ADGRV1: variants seen among roughly 807,000 people sequenced by gnomAD.
ADGRV1 encodes G-protein coupled receptor 98.
ADGRV1 carries 359 observed loss-of-function variants against 596.2 expected under a neutral mutation model. That is an observed-to-expected ratio of 0.60 (90% CI 0.55 to 0.66). ADGRV1 has a LOEUF of 0.66. ADGRV1 is among the 30% of genes least tolerant of loss of function. The pLI, the probability that ADGRV1 is intolerant of heterozygous loss-of-function variation, is 0.00. For synonymous variants in ADGRV1, 2,681 were observed against 2,679.2 expected (o/e 1.00, Z -0.02); for missense variants, 7,274 against 7,575.6 (o/e 0.96, Z 1.48).
At chr5:90,705,260 G>C in intron 36 of ADGRV1, 140 bp from the exon 37 acceptor site, 1 of 653,686 alleles carries the variant, frequency 1.5e-6, no homozygotes, top group Non-Finnish European at 2.6e-6. Flanking sequence ...ATGGAATGTG[G>C]CTTTTGTTAA....
intron 39 of ADGRV1, 78 bp from the exon 40 acceptor site, chr5:90,710,903 G>T (rs991944538): frequency 8.7e-6 from 7 of 800,096 alleles, no homozygotes; most frequent in East Asian, 2.7e-5. Flanking sequence ...ATTTCAAAGG[G>T]ACTGTCTTTA....
At chr5:90,820,913 G>A (rs1484950971) in intron 75 of ADGRV1, among the ~76,000 whole-genome samples, 1 of 152,024 alleles carries the variant, frequency 6.6e-6, no homozygotes, top group Non-Finnish European at 1.5e-5. Context: ...CTCTTCTCGA[G>A]GAGTATCTTT....
chr5:90,918,739 A>G (rs1006291114), intron 83 of ADGRV1, among the ~76,000 whole-genome samples: 2 of 152,144 alleles, frequency 1.3e-5, no homozygotes, highest in Admixed American at 6.5e-5. Flanking sequence ...TCCCATGTAT[A>G]TTTACTCCAC....
intron 41 of ADGRV1, among the ~76,000 whole-genome samples, chr5:90,711,797 G>A (rs1255965892): frequency 2.0e-5 from 3 of 152,070 alleles, no homozygotes; most frequent in Non-Finnish European, 4.4e-5. Context: ...TTTTTTTGGA[G>A]ACAAAGTCTC....
intron 85 of ADGRV1, among the ~76,000 whole-genome samples, chr5:91,034,458 T>C (rs1323110149): frequency 1.3e-5 from 2 of 152,186 alleles, no homozygotes; most frequent in African/African-American, 2.4e-5. Context: ...GAAAAGAATG[T>C]GTTTTTAGAA....
intron 9 of ADGRV1, among the ~76,000 whole-genome samples, chr5:90,634,445 T>C (rs1407604243): frequency 1.3e-5 from 2 of 152,162 alleles, no homozygotes; most frequent in African/African-American, 4.8e-5. Flanking sequence ...AAACCAGCAA[T>C]ATGTAAAATG....
At chr5:90,894,729 T>G (rs549558419) in intron 83 of ADGRV1, among the ~76,000 whole-genome samples, 1 of 152,234 alleles carries the variant, frequency 6.6e-6, no homozygotes, top group East Asian at 1.9e-4. Flanking sequence ...ACAATGGGTA[T>G]CTATTTCTAA....
intron 57 of ADGRV1, among the ~76,000 whole-genome samples, chr5:90,758,104 G>A (rs1382839862): frequency 1.3e-5 from 2 of 152,054 alleles, no homozygotes; most frequent in Admixed American, 1.3e-4. Flanking sequence ...AGGCCGAGGC[G>A]GGTGGATCAC....
At chr5:90,992,039 A>G (rs1001778873) in intron 85 of ADGRV1, among the ~76,000 whole-genome samples, 1 of 152,264 alleles carries the variant, frequency 6.6e-6, no homozygotes, top group Admixed American at 6.5e-5. Context: ...ACAGAAACAC[A>G]AGTACATCCA....
At chr5:91,059,560 G>A (rs1166749281) in intron 85 of ADGRV1, among the ~76,000 whole-genome samples, 1 of 152,088 alleles carries the variant, frequency 6.6e-6, no homozygotes, top group Non-Finnish European at 1.5e-5. Flanking sequence ...CTAGTTTAGG[G>A]CAGTTCAAAT....
In ADGRV1 at chr5:90,628,578, G is replaced by C. The variant is rs774712636; in HGVS notation, c.1255G>C (p.Val419Leu). The change falls in exon 8 of 90, where the codon GTG (valine) becomes CTG (leucine). Residue 419 changes from valine (V) to leucine (L), a missense_variant. Transcript: ENST00000405460. Reference protein sequence around the residue: ...DRISRYEEITVVRNGGTHGNV... With the variant: ...DRISRYEEITLVRNGGTHGNV... Reference sequence around the variant, plus strand: ...ACATTTAAGATATGAAGAAATCACAGTGGTTAGAAATGGAGGAACCCATGG... The same window carrying C: ...ACATTTAAGATATGAAGAAATCACACTGGTTAGAAATGGAGGAACCCATGG... 6.2e-7 allele frequency: 1 copy of C among 1,613,684 alleles called. No homozygotes were observed. Among genetic ancestry groups the C allele is most frequent in the Admixed American group, 1.7e-5 (1 of 60,020 alleles).
Position 90,710,998 on chromosome 5 carries a change from G to A in ADGRV1, c.8842G>A (p.Ala2948Thr), listed in dbSNP as rs369777874. ...TTTTTAAGATTCAGAAGGTTTGACT[G>A]CACAAGTTATTATTGATGCCAATGA... Reference protein sequence around the residue: ...PPRLDSEGLTAQVIIDANDGA... With the variant: ...PPRLDSEGLTTQVIIDANDGA... The change falls in exon 40 of 90, where the codon GCA becomes ACA. Residue 2948 changes from alanine (A) to threonine (T), a missense_variant. Ala to Thr is a moderately conservative substitution (Grantham distance 58). Transcript: ENST00000405460. 7.4e-5 allele frequency: 119 copies of A among 1,607,626 alleles called. No individual in the cohort carries two copies. In the African/African-American group the frequency reaches 1.3e-3, roughly 18 times the overall value.
intron 1 of ADGRV1, among the ~76,000 whole-genome samples, chr5:90,563,368 A>G (rs1430318637): frequency 2.0e-5 from 3 of 152,240 alleles, no homozygotes; most frequent in Non-Finnish European, 4.4e-5. Context: ...TCTCTCCAGC[A>G]TAGTTATTGT....
chr5:90,573,952 A>ATGGT (rs1756875627), intron 1 of ADGRV1, among the ~76,000 whole-genome samples: 1 of 151,580 alleles, frequency 6.6e-6, no homozygotes, highest in Admixed American at 6.6e-5. Flanking sequence ...CAAAGATCAG[A>ATGGT]TGGTTGTAGG....
At chr5:90,561,801 T>TTAA (rs554803756) in intron 1 of ADGRV1, among the ~76,000 whole-genome samples, 6 of 152,234 alleles carry the variant, frequency 3.9e-5, no homozygotes, top group Non-Finnish European at 8.8e-5. Flanking sequence ...AGATAATTAT[T>TTAA]TAATTTGGTT....
intron 9 of ADGRV1, among the ~76,000 whole-genome samples, chr5:90,633,936 A>G (rs1299209331): frequency 2.0e-5 from 3 of 152,172 alleles, no homozygotes; most frequent in African/African-American, 7.2e-5. Context: ...CCATCGCAAA[A>G]TAGGAGAGAA....
chr5:90,674,244 T>A lies in ADGRV1; in HGVS notation c.5110+10T>A, dbSNP rs766009412. Reference sequence around the variant, plus strand: ...AGTGATCATCCATATGGTAACCTGCTCCTTTTGCAAGAAAAATCCTCTCTT... The same window carrying A: ...AGTGATCATCCATATGGTAACCTGCACCTTTTGCAAGAAAAATCCTCTCTT... On this transcript the variant is annotated intron_variant, in intron 23 of 89. Transcript: ENST00000405460. 1 of 1,551,000 alleles carries A rather than the reference T, an allele frequency of 6.4e-7. No individual in the cohort carries two copies. Among genetic ancestry groups the A allele is most frequent in the Non-Finnish European group, 8.7e-7 (1 of 1,150,882 alleles).
chr5:90,896,184 TC>T (rs1352616558), intron 83 of ADGRV1, among the ~76,000 whole-genome samples: 4 of 151,986 alleles, frequency 2.6e-5, no homozygotes, highest in Non-Finnish European at 5.9e-5. Flanking sequence ...GAAATTTATC[TC>T]TTTATGTTTG....
intron 29 of ADGRV1, among the ~76,000 whole-genome samples, chr5:90,686,357 C>G (rs890402978): frequency 3.3e-5 from 5 of 152,062 alleles, no homozygotes; most frequent in Non-Finnish European, 7.3e-5. Flanking sequence ...AAAGCTATCC[C>G]TCCCCGCTCC....
Sources: allele counts gnomAD v4.1 joint callset (sites outside exome capture counted in the v4.1 genomes callset), GRCh38; gene constraint gnomAD v4.1.1; transcripts MANE v1.5; gene names NCBI Gene and HGNC (gene_info 2026-07-23, HGNC 2026-07-21).